Variants in RSPO2 observed in about 807,000 individuals in gnomAD.
RSPO2 encodes the protein R-spondin 2.
A neutral mutation model predicts 30.9 loss-of-function variants in RSPO2; 14 were observed. That is an observed-to-expected ratio of 0.45 (90% CI 0.30 to 0.71). The LOEUF (loss-of-function observed/expected upper bound fraction) is 0.71, where lower values mean the gene tolerates loss of function less well. Among genes scored for constraint, RSPO2 ranks in the 30% least tolerant of loss-of-function variants. The pLI, the probability that RSPO2 is intolerant of heterozygous loss-of-function variation, is 0.08. For synonymous variants in RSPO2, 107 were observed against 96.4 expected (o/e 1.11, Z -0.64); for missense variants, 264 against 301.9 (o/e 0.87, Z 0.93).
chr8:107,905,748 G>A (rs1252523747), intron 5 of RSPO2, among the ~76,000 whole-genome samples: 3 of 148,854 alleles, frequency 2.0e-5, no homozygotes, highest in East Asian at 2.0e-4. Flanking sequence ...GAAGGACTGA[G>A]TTGTAAATGA....
chr8:107,958,620 G>C (rs921889924), intron 4 of RSPO2, among the ~76,000 whole-genome samples: 3 of 152,118 alleles, frequency 2.0e-5, no homozygotes, highest in Non-Finnish European at 4.4e-5. Flanking sequence ...ATGGTGGTTT[G>C]CTGCACAGAT....
intron 2 of RSPO2, among the ~76,000 whole-genome samples, chr8:108,064,979 C>T (rs574422818): frequency 6.6e-6 from 1 of 152,032 alleles, no homozygotes; most frequent in African/African-American, 2.4e-5. Flanking sequence ...AATTAGAACA[C>T]TTGGACACAG....
Position 108,069,147 on chromosome 8 carries a change from G to C in RSPO2, c.94+13398C>G, listed in dbSNP as rs1369331487. 2.0e-5 allele frequency among the ~76,000 whole-genome samples: 3 copies of C among 152,088 alleles called. No homozygotes were observed. The East Asian group carries it at 5.8e-4, about 29-fold the overall frequency. ...CTCAGAGTAAGTCAAAAATCAATGAGAAAACCTTGTGTCCGACATCCTATT... is the reference window on the plus strand; with the variant it reads ...CTCAGAGTAAGTCAAAAATCAATGACAAAACCTTGTGTCCGACATCCTATT... On this transcript the variant is annotated intron_variant, in intron 2 of 5. Coordinates refer to ENST00000276659, the MANE Select transcript of RSPO2 (RefSeq NM_178565.5).
chr8:107,983,778 G>C, intron 3 of RSPO2: 1 of 1,599,456 alleles, frequency 6.3e-7, no homozygotes, highest in South Asian at 1.1e-5. Context: ...TGCTGATTTT[G>C]TAGAAACATC....
chr8:107,970,044 G>T (rs1046717071), intron 3 of RSPO2, among the ~76,000 whole-genome samples: 3 of 152,048 alleles, frequency 2.0e-5, no homozygotes, highest in Non-Finnish European at 2.9e-5. Flanking sequence ...AAAACAAGAA[G>T]AATACCTTAA....
chr8:108,046,798 C>A (rs1811919992), intron 2 of RSPO2, among the ~76,000 whole-genome samples: 1 of 152,056 alleles, frequency 6.6e-6, no homozygotes, highest in Non-Finnish European at 1.5e-5. Context: ...TTCCCCCTCC[C>A]AACACAATTG....
intron 2 of RSPO2, among the ~76,000 whole-genome samples, chr8:108,063,474 G>A (rs1812545522): frequency 6.6e-6 from 1 of 151,744 alleles, no homozygotes; most frequent in Non-Finnish European, 1.5e-5. Context: ...CAACTTACAA[G>A]GGACATGAAG....
intron 2 of RSPO2, among the ~76,000 whole-genome samples, chr8:108,024,674 T>C (rs987421820): frequency 6.6e-6 from 1 of 152,188 alleles, no homozygotes; most frequent in Admixed American, 6.5e-5. Flanking sequence ...CTTTCTATTG[T>C]TCTGATCTTT....
intron 2 of RSPO2, among the ~76,000 whole-genome samples, chr8:108,036,503 A>T (rs1463647491): frequency 6.6e-6 from 1 of 152,212 alleles, no homozygotes; most frequent in Admixed American, 6.5e-5. Flanking sequence ...GGCACATCAT[A>T]AAGACCTGTG....
intron 2 of RSPO2, among the ~76,000 whole-genome samples, chr8:108,010,652 G>A (rs377470100): frequency 2.6e-5 from 4 of 152,236 alleles, no homozygotes; most frequent in East Asian, 3.9e-4. Context: ...AGGGGTTGAC[G>A]TGGGAGCAGA....
At chr8:107,981,416 T>G (rs2514845) in intron 3 of RSPO2, among the ~76,000 whole-genome samples, 99,322 of 151,776 alleles carry the variant, frequency 0.65, 32,439 homozygotes, top group East Asian at 0.7. Flanking sequence ...AGCTACTTGG[T>G]GCACTGAGGC....
In RSPO2 at chr8:107,999,438, G is replaced by C. The variant is rs541192987; in HGVS notation, c.95-10194C>G. 4.6e-5 allele frequency among the ~76,000 whole-genome samples: 7 copies of C among 152,180 alleles called. No homozygotes were observed. The South Asian group carries it at 1.5e-3, about 32-fold the overall frequency. ...AACTCAAAGCTAGGAGAAACTAGGA[G>C]TTTTTGTTTGTTTTGAGACAAAGTC... On this transcript the variant is annotated intron_variant, in intron 2 of 5. Coordinates refer to ENST00000276659, the MANE Select transcript of RSPO2 (RefSeq NM_178565.5).
chr8:107,937,151 G>GTGGTTTTT (rs1812744963), intron 5 of RSPO2, among the ~76,000 whole-genome samples: 1 of 107,724 alleles, frequency 9.3e-6, no homozygotes. Flanking sequence ...TCCATCTTCA[G>GTGGTTTTT]TTGTTTTTTT....
intron 2 of RSPO2, among the ~76,000 whole-genome samples, chr8:108,003,298 TATATATATATA>T (rs1563559050): frequency 4.1e-5 from 1 of 24,138 alleles, no homozygotes. Flanking sequence ...TATATATATA[TATATATATATA>T]TATTTTTTTT....
rs78489557 is a variant in RSPO2 at position 108,047,373 on chromosome 8, G to C, written c.94+35172C>G. Among the ~76,000 whole-genome samples, 3 of 152,276 alleles carry C rather than the reference G, an allele frequency of 2.0e-5. No homozygotes were observed. The East Asian group carries it at 5.8e-4, about 29-fold the overall frequency. The stretch of plus-strand genomic sequence containing the variant: ...TGGGGATTTTGTGACTTCATGTCTT[G>C]AAAGAAGTGCTATCTTGTGATAATG... On this transcript the variant is annotated intron_variant, in intron 2 of 5. Coordinates refer to ENST00000276659, the MANE Select transcript of RSPO2 (RefSeq NM_178565.5).
At chr8:107,985,661 TC>T (rs1184156975) in intron 3 of RSPO2, among the ~76,000 whole-genome samples, 1 of 152,212 alleles carries the variant, frequency 6.6e-6, no homozygotes, top group Non-Finnish European at 1.5e-5. Context: ...TGTGTACTTT[TC>T]TAAGTTTTCT....
intron 2 of RSPO2, among the ~76,000 whole-genome samples, chr8:108,067,136 T>C (rs1812697007): frequency 6.6e-6 from 1 of 152,182 alleles, no homozygotes; most frequent in South Asian, 2.1e-4. Flanking sequence ...CATTGAAAAC[T>C]GAGTGGGAAG....
intron 2 of RSPO2, among the ~76,000 whole-genome samples, chr8:108,080,420 G>A (rs527954046): frequency 6.6e-6 from 1 of 152,280 alleles, no homozygotes; most frequent in South Asian, 2.1e-4. Context: ...AAATCGAAAG[G>A]TTGATTTGGC....
intron 2 of RSPO2, among the ~76,000 whole-genome samples, chr8:108,031,277 G>T (rs1811413462): frequency 6.6e-6 from 1 of 152,146 alleles, no homozygotes; most frequent in Non-Finnish European, 1.5e-5. Flanking sequence ...CATCTCTAAT[G>T]GATCACCATT....
Sources: gnomAD v4.1 joint callset for allele counts (sites outside exome capture counted in the v4.1 genomes callset) on GRCh38, gnomAD v4.1.1 for gene constraint, MANE v1.5 for transcripts, NCBI Gene and HGNC (gene_info 2026-07-23, HGNC 2026-07-21) for gene names.